The following CALD1 variants were observed in gnomAD, a reference collection of about 807,000 sequenced individuals.
The protein encoded by CALD1 is caldesmon 1.
In CALD1, 33 loss-of-function variants were observed where a neutral mutation model predicts 99.9. That is an observed-to-expected ratio of 0.33 (90% CI 0.25 to 0.44). The LOEUF is 0.44. Among genes scored for constraint, CALD1 ranks in the 20% least tolerant of loss-of-function variants. The pLI is 1.00. For missense variants in CALD1, 861 were observed against 962.1 expected (o/e 0.89, Z 1.39); for synonymous variants, 310 against 325.0 (o/e 0.95, Z 0.50).
At chr7:134,735,268 T>A in the CALD1 span, 12 of 152,388 alleles carry the variant, frequency 7.9e-5, no homozygotes, top group Admixed American at 3.3e-4. Flanking sequence ...AGTGCCTTGA[T>A]ATTGATGTAG....
intron 3 of CALD1, among the ~76,000 whole-genome samples, chr7:134,898,656 C>G (rs554273953): frequency 3.9e-5 from 6 of 152,230 alleles, no homozygotes; most frequent in African/African-American, 9.6e-5. Context: ...TCACTGCAAC[C>G]TCCACCTCCT....
chr7:134,921,525 G>T (rs1804618999), intron 3 of CALD1, among the ~76,000 whole-genome samples: 1 of 152,152 alleles, frequency 6.6e-6, no homozygotes. Flanking sequence ...TAAAACAACT[G>T]CTGTGGTCCG....
chr7:134,720,665 C>T, the CALD1 span, among the ~76,000 whole-genome samples: 1 of 152,148 alleles, frequency 6.6e-6, no homozygotes, highest in Non-Finnish European at 1.5e-5. Context: ...TAAAGGAAAA[C>T]AAACGCTTAA....
At chr7:134,762,576 C>T (rs1224801434) in intron 1 of CALD1, among the ~76,000 whole-genome samples, 2 of 152,222 alleles carry the variant, frequency 1.3e-5, no homozygotes. Flanking sequence ...ATGCTGACAT[C>T]TGCATGGCTT....
intron 1 of CALD1, among the ~76,000 whole-genome samples, chr7:134,781,779 C>T (rs895430787): frequency 6.6e-6 from 1 of 152,178 alleles, no homozygotes; most frequent in Non-Finnish European, 1.5e-5. Flanking sequence ...TTAAATCATT[C>T]CAGTCAAAAG....
intron 1 of CALD1, among the ~76,000 whole-genome samples, chr7:134,836,624 A>T (rs1463467882): frequency 6.6e-6 from 1 of 152,178 alleles, no homozygotes; most frequent in Non-Finnish European, 1.5e-5. Context: ...GAAGAGAAAG[A>T]TACATTTTTC....
At chr7:134,785,065 A>G (rs1240143907) in intron 1 of CALD1, among the ~76,000 whole-genome samples, 1 of 152,208 alleles carries the variant, frequency 6.6e-6, no homozygotes, top group African/African-American at 2.4e-5. Flanking sequence ...GAAGAGCTCA[A>G]TGGGTAATTT....
At position 134,824,547 on chromosome 7, in the gene CALD1, C is replaced by T. The variant is rs564363912; in HGVS notation, c.-129-19337C>T. On this transcript the variant is annotated intron_variant, in intron 1 of 14. Transcript: ENST00000361675. Reference sequence around the variant, plus strand: ...TGGTGGAAGGATTGGTTAAGATCTGCATTCTAGCTTCAACTCTTCCACCTC... The same window carrying T: ...TGGTGGAAGGATTGGTTAAGATCTGTATTCTAGCTTCAACTCTTCCACCTC... 3.3e-5 allele frequency among the ~76,000 whole-genome samples: 5 copies of T among 152,138 alleles called. No homozygotes were observed. The South Asian group carries it at 1.0e-3, about 32-fold the overall frequency.
At chr7:134,890,750 T>C (rs536082064) in intron 3 of CALD1, among the ~76,000 whole-genome samples, 2 of 152,326 alleles carry the variant, frequency 1.3e-5, no homozygotes, top group South Asian at 4.1e-4. Context: ...ATGAGATCAC[T>C]GGCAGAGTAC....
intron 3 of CALD1, among the ~76,000 whole-genome samples, chr7:134,905,591 G>A (rs1392013073): frequency 1.3e-5 from 2 of 151,962 alleles, no homozygotes; most frequent in South Asian, 4.1e-4. Context: ...CTTTGAGTGG[G>A]TGAATCTGGC....
intron 13 of CALD1, chr7:134,960,946 T>C (rs1808216733): frequency 5.6e-6 from 1 of 179,090 alleles, no homozygotes; most frequent in South Asian, 1.8e-4. Flanking sequence ...AAATTCTGGA[T>C]AGAAATTTGA....
intron 3 of CALD1, among the ~76,000 whole-genome samples, chr7:134,910,651 G>A (rs1300883393): frequency 3.3e-5 from 5 of 151,222 alleles, no homozygotes; most frequent in African/African-American, 9.8e-5. Flanking sequence ...ATGCACACAC[G>A]TACACACACA....
At chr7:134,910,398 T>A (rs1000935782) in intron 3 of CALD1, among the ~76,000 whole-genome samples, 1 of 152,214 alleles carries the variant, frequency 6.6e-6, no homozygotes, top group African/African-American at 2.4e-5. Context: ...AAATCAAACA[T>A]GCTCAGTTTA....
At chr7:134,726,781 C>A in the CALD1 span, among the ~76,000 whole-genome samples, 1 of 152,110 alleles carries the variant, frequency 6.6e-6, no homozygotes, top group Non-Finnish European at 1.5e-5. Flanking sequence ...CAAAACCAGG[C>A]TTAGAAATTG....
chr7:134,750,412 T>C (rs926928977), intron 1 of CALD1, among the ~76,000 whole-genome samples: 6 of 152,218 alleles, frequency 3.9e-5, no homozygotes, highest in African/African-American at 1.2e-4. Flanking sequence ...GTTCTGCTTA[T>C]AGCGTCCCAA....
the CALD1 span, among the ~76,000 whole-genome samples, chr7:134,727,280 CT>C: frequency 6.6e-6 from 1 of 152,244 alleles, no homozygotes; most frequent in Non-Finnish European, 1.5e-5. Flanking sequence ...GAGCCATGTG[CT>C]TTGCAAGTCA....
intron 3 of CALD1, among the ~76,000 whole-genome samples, chr7:134,923,768 A>G (rs1285275393): frequency 1.3e-5 from 2 of 152,224 alleles, no homozygotes; most frequent in African/African-American, 4.8e-5. Context: ...TGGTGAAATT[A>G]GCTTTCATGC....
the CALD1 span, among the ~76,000 whole-genome samples, chr7:134,728,844 T>C: frequency 1.2e-5 from 1 of 85,774 alleles, no homozygotes; most frequent in Non-Finnish European, 2.0e-5. Flanking sequence ...ATATACCTTT[T>C]CTTTTTTTTT....
the CALD1 span, among the ~76,000 whole-genome samples, chr7:134,717,255 A>C: frequency 0.12 from 18,244 of 152,190 alleles, 1,328 homozygotes; most frequent in Non-Finnish European, 0.16. Context: ...TCTGTGTTGC[A>C]TAGGTCTATG....
Sources: allele counts gnomAD v4.1 joint callset (sites outside exome capture counted in the v4.1 genomes callset), GRCh38; gene constraint gnomAD v4.1.1; transcripts MANE v1.5; gene names NCBI Gene and HGNC (gene_info 2026-07-23, HGNC 2026-07-21).